Variants in SAMD5 observed in about 807,000 individuals in gnomAD.
The protein encoded by SAMD5 is sterile alpha motif domain-containing protein 5.
A neutral mutation model predicts 11.3 loss-of-function variants in SAMD5; 13 were observed. That is an observed-to-expected ratio of 1.15 (90% CI 0.75 to 1.83). The LOEUF (loss-of-function observed/expected upper bound fraction) is 1.83. SAMD5 is among the 40% of genes most tolerant of loss of function. The probability of loss-of-function intolerance (pLI) is 0.00; values close to 1 mark genes in which losing one functional copy is unlikely to be tolerated. For synonymous variants in SAMD5, 129 were observed against 111.3 expected (o/e 1.16, Z -1.00); for missense variants, 255 against 239.1 (o/e 1.07, Z -0.44).
At chr6:147,921,319 A>G in the SAMD5 span, among the ~76,000 whole-genome samples, 1 of 151,280 alleles carries the variant, frequency 6.6e-6, no homozygotes, top group Non-Finnish European at 1.5e-5. Flanking sequence ...ACACACTTCA[A>G]AACCAGAAGA....
the SAMD5 span, among the ~76,000 whole-genome samples, chr6:147,879,363 C>T: frequency 2.0e-5 from 3 of 152,114 alleles, no homozygotes; most frequent in South Asian, 4.2e-4. Context: ...CAGAGATGAG[C>T]GTGATTGACA....
chr6:147,521,732 A>G (rs1024291184), intron 1 of SAMD5, among the ~76,000 whole-genome samples: 2 of 152,138 alleles, frequency 1.3e-5, no homozygotes, highest in African/African-American at 4.8e-5. Flanking sequence ...AATGTTATAC[A>G]TAATGTTATG....
At chr6:147,677,701 G>T (rs956911045) in intron 1 of SAMD5, among the ~76,000 whole-genome samples, 1 of 152,054 alleles carries the variant, frequency 6.6e-6, no homozygotes, top group African/African-American at 2.4e-5. Context: ...GGCGGGCGGG[G>T]GCTTGGGAGC....
chr6:147,931,445 C>A, the SAMD5 span, among the ~76,000 whole-genome samples: 2 of 152,160 alleles, frequency 1.3e-5, no homozygotes, highest in Non-Finnish European at 2.9e-5. Context: ...TAATCTCTGT[C>A]TTCTCTTTTG....
chr6:147,766,914 A>G, the SAMD5 span, among the ~76,000 whole-genome samples: 7 of 152,234 alleles, frequency 4.6e-5, no homozygotes, highest in African/African-American at 1.7e-4. Context: ...GTCCATTGAC[A>G]TATTGGGAGA....
At chr6:147,547,740 C>T (rs1263262626) in intron 1 of SAMD5, among the ~76,000 whole-genome samples, 1 of 152,070 alleles carries the variant, frequency 6.6e-6, no homozygotes, top group Non-Finnish European at 1.5e-5. Context: ...ACACTCGAAA[C>T]GGAGGGGATT....
chr6:147,767,247 A>T, the SAMD5 span, among the ~76,000 whole-genome samples: 3 of 152,310 alleles, frequency 2.0e-5, no homozygotes, highest in African/African-American at 7.2e-5. Context: ...TCTGTCTTGA[A>T]GGTCAACACC....
At chr6:147,948,059 G>A in the SAMD5 span, among the ~76,000 whole-genome samples, 3 of 151,932 alleles carry the variant, frequency 2.0e-5, no homozygotes, top group Non-Finnish European at 4.4e-5. Flanking sequence ...ACAATGTGGC[G>A]ATTAAGTCCT....
the SAMD5 span, among the ~76,000 whole-genome samples, chr6:147,806,606 C>T: frequency 1.3e-5 from 2 of 152,166 alleles, no homozygotes; most frequent in African/African-American, 4.8e-5. Flanking sequence ...GAACTAGAAC[C>T]TTCCTGATTG....
intron 1 of SAMD5, among the ~76,000 whole-genome samples, chr6:147,636,085 C>T (rs1490672383): frequency 7.0e-6 from 1 of 143,164 alleles, no homozygotes; most frequent in Non-Finnish European, 1.5e-5. Context: ...ATAAAGACAC[C>T]CATGGGAAAG....
intron 1 of SAMD5, among the ~76,000 whole-genome samples, chr6:147,531,918 A>G (rs1788436009): frequency 6.6e-6 from 1 of 152,228 alleles, no homozygotes; most frequent in South Asian, 2.1e-4. Flanking sequence ...ATTATACTCA[A>G]TATAATAATT....
At chr6:147,924,777 TATAAATAA>T in the SAMD5 span, among the ~76,000 whole-genome samples, 11,280 of 147,142 alleles carry the variant, frequency 0.077, 990 homozygotes, top group African/African-American at 0.22. Flanking sequence ...TTAATTTTGT[TATAAATAA>T]ATAAATAAAT....
intron 1 of SAMD5, among the ~76,000 whole-genome samples, chr6:147,549,067 G>A (rs1788728101): frequency 6.6e-6 from 1 of 152,158 alleles, no homozygotes; most frequent in Admixed American, 6.5e-5. Flanking sequence ...AAATGGCACA[G>A]AACCATAGCT....
chr6:147,863,912 T>A, the SAMD5 span, among the ~76,000 whole-genome samples: 1 of 149,552 alleles, frequency 6.7e-6, no homozygotes, highest in Non-Finnish European at 1.5e-5. Flanking sequence ...GGCACAAGCT[T>A]GGCTCACCAC....
At chr6:147,793,592 G>A in the SAMD5 span, among the ~76,000 whole-genome samples, 9 of 152,264 alleles carry the variant, frequency 5.9e-5, no homozygotes, top group African/African-American at 2.2e-4. Context: ...AAACAACTGG[G>A]TATTATTTTA....
the SAMD5 span, among the ~76,000 whole-genome samples, chr6:147,889,071 G>T: frequency 6.6e-6 from 1 of 151,954 alleles, no homozygotes; most frequent in African/African-American, 2.4e-5. Flanking sequence ...AATACTTTTT[G>T]TTTCCTCATC....
Position 147,664,282 on chromosome 6 carries a change from T to C in SAMD5, c.163-73035T>C, listed in dbSNP as rs192530722. On this transcript the variant is annotated intron_variant, in intron 1 of 1. Transcript: ENST00000566741. ...AAAAATCTGATTTTGCTTTAATTTG[T>C]ACTCAGCAGTGTCAGCTCTGTCAGA... Among the ~76,000 whole-genome samples the C allele has an allele frequency of 2.6e-5, 4 of 152,300 alleles. No individual in the cohort carries two copies. In the East Asian group the frequency reaches 7.7e-4, roughly 29 times the overall value.
At chr6:147,761,442 A>G in the SAMD5 span, among the ~76,000 whole-genome samples, 11 of 152,244 alleles carry the variant, frequency 7.2e-5, no homozygotes, top group East Asian at 1.9e-3. Flanking sequence ...AAAACAAGAT[A>G]TGGGCTTTGA....
At chr6:147,788,061 C>T in the SAMD5 span, among the ~76,000 whole-genome samples, 2 of 152,178 alleles carry the variant, frequency 1.3e-5, no homozygotes, top group African/African-American at 4.8e-5. Context: ...TCAACCCAAA[C>T]AGCTGAGCTT....
Sources: gnomAD v4.1 joint callset for allele counts (sites outside exome capture counted in the v4.1 genomes callset) on GRCh38, gnomAD v4.1.1 for gene constraint, MANE v1.5 for transcripts, NCBI Gene and HGNC (gene_info 2026-07-23, HGNC 2026-07-21) for gene names.